The following GTF2A1L variants were observed in gnomAD, a reference collection of about 807,000 sequenced individuals.
GTF2A1L encodes the protein TFIIA-alpha and beta-like factor.
In GTF2A1L, 48 loss-of-function variants were observed where a neutral mutation model predicts 49.7. The ratio of observed to expected loss-of-function variants is 0.97; its 90% CI spans 0.77 to 1.23. The LOEUF (loss-of-function observed/expected upper bound fraction) is 1.23, where lower values mean the gene tolerates loss of function less well. Among genes scored for constraint, GTF2A1L ranks in the 50% most tolerant of loss-of-function variants. The pLI is 0.00. For synonymous variants in GTF2A1L, 246 were observed against 193.5 expected, an observed-to-expected ratio of 1.27 and a Z score of -2.25; for missense variants, 736 against 564.8, an observed-to-expected ratio of 1.30 and a Z score of -3.07.
chr2:48,661,679 T>C (rs1405853342), intron 6 of GTF2A1L, among the ~76,000 whole-genome samples: 1 of 149,340 alleles, frequency 6.7e-6, no homozygotes. Context: ...TAAATAACAG[T>C]TTTTGACCTA....
At chr2:48,632,920 G>C in intron 3 of GTF2A1L, 1 of 244,042 alleles carries the variant, frequency 4.1e-6, no homozygotes, top group Non-Finnish European at 8.3e-6. Context: ...CCTCATGGTA[G>C]AGCAACTATG....
chr2:48,661,198 G>C (rs955580579), intron 6 of GTF2A1L, among the ~76,000 whole-genome samples: 2 of 137,334 alleles, frequency 1.5e-5, no homozygotes, highest in African/African-American at 5.4e-5. Flanking sequence ...CTTTTAAAAT[G>C]TAAGCACTTA....
In GTF2A1L at chr2:48,642,400, A is replaced by T. The variant is rs752793945; in HGVS notation, c.248-2A>T. 1.9e-6 allele frequency: 3 copies of T among 1,586,902 alleles called. No homozygotes were observed. In the African/African-American group the frequency reaches 4.0e-5, roughly 21 times the overall value. The stretch of plus-strand genomic sequence containing the variant: ...TGTATATTTATTTTGTTTCCTATGC[A>T]GCATCATTAGTTATTCCTGCTGGTA... On this transcript the variant is annotated splice_acceptor_variant, in intron 3 of 8. Coordinates refer to ENST00000403751, the MANE Select transcript of GTF2A1L (RefSeq NM_006872.5). LOFTEE classifies it high-confidence loss of function.
chr2:48,663,580 A>C (rs1266939148), intron 6 of GTF2A1L, among the ~76,000 whole-genome samples: 1 of 152,226 alleles, frequency 6.6e-6, no homozygotes, highest in African/African-American at 2.4e-5. Context: ...CTAATGTAAA[A>C]ATGTATTTTT....
At chr2:48,670,379 T>A (rs927273822) in intron 7 of GTF2A1L, among the ~76,000 whole-genome samples, 2 of 146,156 alleles carry the variant, frequency 1.4e-5, no homozygotes, top group African/African-American at 2.5e-5. Flanking sequence ...CAAGACTCTT[T>A]AAAAAAAAAA....
chr2:48,619,570 T>A (rs572571862), intron 1 of GTF2A1L, among the ~76,000 whole-genome samples: 1 of 152,220 alleles, frequency 6.6e-6, no homozygotes, highest in East Asian at 1.9e-4. Context: ...TAATGAGTAC[T>A]GAATAGGGTA....
rs367659891 is a variant in GTF2A1L at position 48,633,199 on chromosome 2, C to T, written c.248-9203C>T. On this transcript the variant is annotated intron_variant, in intron 3 of 8. Transcript: ENST00000403751. ...GTACCCTCACCCTCAGGGCCTTCTG[C>T]GGAGGCATTTCTGTCAATGTTACCC... 1.1e-4 allele frequency: 23 copies of T among 212,720 alleles called. No homozygotes were observed. The East Asian group carries it at 2.0e-3, about 19-fold the overall frequency. The allele number at this position is 212,720 out of a possible 1,614,324, so 13.2% of individuals were successfully genotyped here.
chr2:48,621,066 C>T (rs1462107096), intron 2 of GTF2A1L, 101 bp from the exon 3 acceptor site: 7 of 1,508,116 alleles, frequency 4.6e-6, no homozygotes, highest in Non-Finnish European at 6.2e-6. Context: ...ATTCATTGTG[C>T]CATCAGGATG....
At chr2:48,662,106 C>T (rs576119300) in intron 6 of GTF2A1L, among the ~76,000 whole-genome samples, 2 of 152,064 alleles carry the variant, frequency 1.3e-5, no homozygotes, top group Admixed American at 1.3e-4. Context: ...TTATAATAAC[C>T]TGTTTTAATC....
At chr2:48,665,257 G>A (rs1916839) in intron 6 of GTF2A1L, among the ~76,000 whole-genome samples, 146,151 of 149,646 alleles carry the variant, frequency 0.98, 71,390 homozygotes, top group East Asian at 0.99. Context: ...TCAAAGAATG[G>A]ACTTTTGACC....
intron 3 of GTF2A1L, among the ~76,000 whole-genome samples, chr2:48,629,923 C>G (rs1244401603): frequency 7.0e-6 from 1 of 143,686 alleles, no homozygotes; most frequent in Non-Finnish European, 1.6e-5. Context: ...GATCAGATGG[C>G]TGTAGGTGTG....
intron 3 of GTF2A1L, among the ~76,000 whole-genome samples, chr2:48,624,505 T>C (rs1676196437): frequency 7.0e-6 from 1 of 143,792 alleles, no homozygotes; most frequent in Non-Finnish European, 1.6e-5. Flanking sequence ...GTTGGTATAG[T>C]CTAGCAAATT....
intron 8 of GTF2A1L, among the ~76,000 whole-genome samples, chr2:48,675,070 G>A (rs1445810115): frequency 2.0e-5 from 3 of 152,100 alleles, no homozygotes; most frequent in Admixed American, 1.3e-4. Flanking sequence ...TTCCAGTGCT[G>A]GTCACTGGTT....
rs1482728682 is a variant in GTF2A1L, at chr2:48,647,245, AC to A, written c.978+205del. On this transcript the variant is annotated intron_variant, in intron 6 of 8. Transcript: ENST00000403751. ...ACGTAACATAAAGTTTACCAACTTA[AC>A]CATTTTTAAGTGTACAGATCAGTAG... The A allele has an allele frequency of 5.3e-4, 257 of 483,260 alleles. 1 individual carries two copies. In the East Asian group the frequency reaches 8.9e-3, roughly 17 times the overall value. 29.9% of individuals were successfully genotyped at this position (483,260 alleles called of 1,614,324 possible).
At chr2:48,646,376 T>C in intron 5 of GTF2A1L, 77 bp from the exon 6 acceptor site, 1 of 1,217,824 alleles carries the variant, frequency 8.2e-7, no homozygotes, top group Non-Finnish European at 1.1e-6. Flanking sequence ...GGATGAGATT[T>C]TTTTTTTTTT....
chr2:48,637,313 A>C lies in GTF2A1L; in HGVS notation c.248-5089A>C, dbSNP rs187741608. Reference sequence around the variant, plus strand: ...ATGGTGAATAAGAAACAATACACTTATGAATGTGGATATTGTTATGCCATG... The same window carrying C: ...ATGGTGAATAAGAAACAATACACTTCTGAATGTGGATATTGTTATGCCATG... On this transcript the variant is annotated intron_variant, in intron 3 of 8. Coordinates refer to ENST00000403751, the MANE Select transcript of GTF2A1L (RefSeq NM_006872.5). 3.0e-3 allele frequency among the ~76,000 whole-genome samples: 461 copies of C among 152,354 alleles called. 2 individuals carry two copies. Among genetic ancestry groups the C allele is most frequent in the African/African-American group, 0.01 (436 of 41,580 alleles).
chr2:48,659,766 G>C (rs1678384241), intron 6 of GTF2A1L, among the ~76,000 whole-genome samples: 1 of 151,812 alleles, frequency 6.6e-6, no homozygotes, highest in Admixed American at 6.6e-5. Context: ...TTTTCTTTTT[G>C]AGTTTTTAAT....
At chr2:48,644,494 G>C (rs1282934406) in intron 4 of GTF2A1L, among the ~76,000 whole-genome samples, 1 of 152,110 alleles carries the variant, frequency 6.6e-6, no homozygotes, top group Non-Finnish European at 1.5e-5. Flanking sequence ...GTATTCTATT[G>C]ATTATGCTTG....
intron 4 of GTF2A1L, among the ~76,000 whole-genome samples, chr2:48,643,067 A>G (rs3792242): frequency 0.17 from 26,316 of 152,118 alleles, 2,675 homozygotes; most frequent in South Asian, 0.26. Flanking sequence ...ACACTATATA[A>G]TGTTATATGC....
Sources: allele counts gnomAD v4.1 joint callset (sites outside exome capture counted in the v4.1 genomes callset), GRCh38; gene constraint gnomAD v4.1.1; transcripts MANE v1.5; gene names NCBI Gene and HGNC (gene_info 2026-07-23, HGNC 2026-07-21).